Variants in PAPPA2 observed in about 807,000 individuals in gnomAD.
The protein encoded by PAPPA2 is pappalysin 2, also known as pappalysin-2.
Under a neutral mutation model 176.4 loss-of-function variants are expected in PAPPA2, and 86 were observed. The observed-to-expected ratio is 0.49, with a 90% CI of 0.41 to 0.58. The LOEUF (loss-of-function observed/expected upper bound fraction) is 0.58. PAPPA2 is among the 20% of genes least tolerant of loss of function. The pLI is 0.00. For missense variants in PAPPA2, 2,073 were observed against 2,256.9 expected, an observed-to-expected ratio of 0.92 and a Z score of 1.65; for synonymous variants, 809 against 852.2, an observed-to-expected ratio of 0.95 and a Z score of 0.88.
At chr1:176,562,255 C>A (rs1222394755) in intron 2 of PAPPA2, among the ~76,000 whole-genome samples, 1 of 152,122 alleles carries the variant, frequency 6.6e-6, no homozygotes, top group Non-Finnish European at 1.5e-5. Context: ...AATGAGATTT[C>A]ACAGAATGCT....
At position 176,623,618 on chromosome 1, in the gene PAPPA2, C is replaced by CTTTCTTTCTTT. The variant is rs1558479058; in HGVS notation, c.1991+28023_1991+28024insTTTCTTTCTTT. On this transcript the variant is annotated intron_variant, in intron 3 of 22. Transcript: ENST00000367662. The stretch of plus-strand genomic sequence containing the variant: ...TCCTTCCTTCCTTCCTTCCTTCCTT[C>CTTTCTTTCTTT]CTTCCTTTTTTACTTTCTTTCTTTC... Among the ~76,000 whole-genome samples, 665 of 75,086 alleles carry CTTTCTTTCTTT rather than the reference C, an allele frequency of 8.9e-3. 5 individuals carry two copies. The highest frequency in any genetic ancestry group is 0.013 in the Non-Finnish European group (482 of 38,412). 49.3% of individuals were successfully genotyped at this position (75,086 alleles called of 152,430 possible).
chr1:176,488,202 A>G (rs983560533), intron 1 of PAPPA2, among the ~76,000 whole-genome samples: 3 of 151,978 alleles, frequency 2.0e-5, no homozygotes, highest in Non-Finnish European at 4.4e-5. Flanking sequence ...TATTTTTTTT[A>G]AATAAGAGAA....
At chr1:176,645,921 G>A (rs183405463) in intron 3 of PAPPA2, among the ~76,000 whole-genome samples, 23 of 151,512 alleles carry the variant, frequency 1.5e-4, no homozygotes, top group Non-Finnish European at 3.0e-4. Flanking sequence ...TTTTTTGCCC[G>A]ATTTTAAATC....
At chr1:176,739,521 T>C in intron 12 of PAPPA2, 105 bp from the exon 13 acceptor site, 1 of 1,269,680 alleles carries the variant, frequency 7.9e-7, no homozygotes, top group Non-Finnish European at 1.1e-6. Context: ...TGGAAGCTCT[T>C]ACTTTATAAA....
chr1:176,538,771 C>A (rs771932202), intron 1 of PAPPA2, among the ~76,000 whole-genome samples: 3 of 152,126 alleles, frequency 2.0e-5, no homozygotes, highest in Non-Finnish European at 4.4e-5. Context: ...AAATTCAAGC[C>A]ACCTATAAAC....
At chr1:176,764,596 C>CTTTT (rs1214683318) in intron 14 of PAPPA2, among the ~76,000 whole-genome samples, 1 of 136,132 alleles carries the variant, frequency 7.3e-6, no homozygotes, top group Non-Finnish European at 1.6e-5. Flanking sequence ...CCAGTGTATT[C>CTTTT]TTTTTTTTTT....
intron 4 of PAPPA2, among the ~76,000 whole-genome samples, chr1:176,684,314 AG>A (rs1281826223): frequency 6.6e-6 from 1 of 152,116 alleles, no homozygotes; most frequent in Non-Finnish European, 1.5e-5. Flanking sequence ...GCTTCCCCTG[AG>A]TAAGTATTCC....
intron 21 of PAPPA2, among the ~76,000 whole-genome samples, chr1:176,806,185 T>C (rs1665899418): frequency 6.6e-6 from 1 of 152,180 alleles, no homozygotes; most frequent in Non-Finnish European, 1.5e-5. Context: ...CCATTTCCTC[T>C]CTAAATTCAA....
intron 4 of PAPPA2, among the ~76,000 whole-genome samples, chr1:176,679,045 A>G (rs976533161): frequency 3.3e-5 from 5 of 152,008 alleles, no homozygotes; most frequent in African/African-American, 1.2e-4. Context: ...GAATATATAC[A>G]TATATTTATA....
intron 11 of PAPPA2, 109 bp downstream of exon 11, chr1:176,710,285 A>G (rs1661086550): frequency 1.0e-6 from 1 of 984,604 alleles, no homozygotes; most frequent in East Asian, 2.5e-5. Flanking sequence ...AGAAGTAAGG[A>G]GTTAGAAGCC....
At chr1:176,703,115 A>C (rs1660736176) in intron 9 of PAPPA2, among the ~76,000 whole-genome samples, 1 of 152,188 alleles carries the variant, frequency 6.6e-6, no homozygotes, top group Non-Finnish European at 1.5e-5. Flanking sequence ...TACTCATCAA[A>C]TGATGCTGAA....
chr1:176,681,888 A>G (rs1659602739), intron 4 of PAPPA2, among the ~76,000 whole-genome samples: 11 of 152,104 alleles, frequency 7.2e-5, no homozygotes, highest in Admixed American at 7.2e-4. Context: ...GCGGTCTGTG[A>G]ATGTTCTGGA....
intron 3 of PAPPA2, among the ~76,000 whole-genome samples, chr1:176,668,207 A>G (rs1285984379): frequency 6.6e-6 from 1 of 152,206 alleles, no homozygotes; most frequent in Non-Finnish European, 1.5e-5. Flanking sequence ...ATTTTTATAA[A>G]AACCAAGATA....
intron 1 of PAPPA2, among the ~76,000 whole-genome samples, chr1:176,520,259 G>A (rs189746338): frequency 5.9e-5 from 9 of 152,312 alleles, no homozygotes; most frequent in Admixed American, 2.6e-4. Context: ...AGGCTGGTTA[G>A]AGACTGTACC....
chr1:176,780,548 G>A (rs1255594859), intron 17 of PAPPA2, among the ~76,000 whole-genome samples: 1 of 152,132 alleles, frequency 6.6e-6, no homozygotes, highest in Non-Finnish European at 1.5e-5. Context: ...CACCTGCACT[G>A]TTCCCTCTGC....
At chr1:176,625,207 T>C (rs1415754892) in intron 3 of PAPPA2, among the ~76,000 whole-genome samples, 1 of 152,152 alleles carries the variant, frequency 6.6e-6, no homozygotes, top group Non-Finnish European at 1.5e-5. Context: ...AATTCCACCC[T>C]GCTGAAAAAG....
At chr1:176,840,295 G>A in intron 22 of PAPPA2, 24 bp downstream of exon 22, 2 of 1,579,246 alleles carry the variant, frequency 1.3e-6, no homozygotes, top group Non-Finnish European at 1.7e-6. Context: ...CCTGGGGATG[G>A]GGGAGGCAGT....
At chr1:176,676,029 G>A (rs1185124933) in intron 4 of PAPPA2, among the ~76,000 whole-genome samples, 6 of 151,856 alleles carry the variant, frequency 4.0e-5, no homozygotes, top group African/African-American at 9.7e-5. Flanking sequence ...CCACAGCAAG[G>A]TAACACTACA....
intron 1 of PAPPA2, among the ~76,000 whole-genome samples, chr1:176,482,820 T>C (rs910097463): frequency 6.6e-6 from 1 of 152,192 alleles, no homozygotes; most frequent in African/African-American, 2.4e-5. Flanking sequence ...GGTTATGTGC[T>C]CATCATCCCT....
Sources: gnomAD v4.1 joint callset for allele counts (sites outside exome capture counted in the v4.1 genomes callset) on GRCh38, gnomAD v4.1.1 for gene constraint, MANE v1.5 for transcripts, NCBI Gene and HGNC (gene_info 2026-07-23, HGNC 2026-07-21) for gene names.